CDH11: variants seen among roughly 807,000 people sequenced by gnomAD.
CDH11 encodes cadherin-11.
CDH11 carries 11 observed loss-of-function variants against 67.8 expected under a neutral mutation model. The ratio of observed to expected loss-of-function variants is 0.16; its 90% CI spans 0.10 to 0.27. The LOEUF is 0.27. Ranked by LOEUF, CDH11 falls within the 10% of genes least tolerant of loss-of-function variation. CDH11 has a pLI of 1.00. For synonymous variants in CDH11, 419 were observed against 400.0 expected (o/e 1.05, Z -0.57); for missense variants, 847 against 1,031.2 (o/e 0.82, Z 2.45).
At chr16:65,000,255 A>C (rs897933723) in intron 3 of CDH11, among the ~76,000 whole-genome samples, 1 of 152,066 alleles carries the variant, frequency 6.6e-6, no homozygotes, top group African/African-American at 2.4e-5. Context: ...TCTCCCAAAA[A>C]TCACATCTGG....
At position 64,946,856 on chromosome 16, in the gene CDH11, A is replaced by T; in HGVS notation, c.*747T>A. ...ATATTAAAGCAACAGTACAATGTTCATAAAATATAAGTGTGATGCCGTAAC... is the reference window on the plus strand; with the variant it reads ...ATATTAAAGCAACAGTACAATGTTCTTAAAATATAAGTGTGATGCCGTAAC... On this transcript the variant is annotated 3_prime_UTR_variant, in exon 13 of 13. Coordinates refer to ENST00000268603, the MANE Select transcript of CDH11 (RefSeq NM_001797.4). 1.2e-6 allele frequency: 1 copy of T among 851,560 alleles called. No individual in the cohort carries two copies. The highest frequency in any genetic ancestry group is 1.4e-6 in the Non-Finnish European group (1 of 696,850). The allele number at this position is 851,560 out of a possible 1,614,324, so 52.8% of individuals were successfully genotyped here.
At chr16:65,019,602 AGGT>A (rs1324864503) in intron 2 of CDH11, among the ~76,000 whole-genome samples, 1 of 152,140 alleles carries the variant, frequency 6.6e-6, no homozygotes, top group Non-Finnish European at 1.5e-5. Flanking sequence ...GTTTGACCAT[AGGT>A]AAGATTTCCA....
chr16:64,955,468 G>A (rs1009445024), intron 11 of CDH11, among the ~76,000 whole-genome samples: 1 of 152,062 alleles, frequency 6.6e-6, no homozygotes, highest in Non-Finnish European at 1.5e-5. Flanking sequence ...GGTTGGTATG[G>A]TGGTTCACAC....
At chr16:64,959,428 C>G (rs2071611242) in intron 11 of CDH11, among the ~76,000 whole-genome samples, 1 of 152,090 alleles carries the variant, frequency 6.6e-6, no homozygotes, top group South Asian at 2.1e-4. Flanking sequence ...AGAAAACTAC[C>G]AAGAGATTCA....
At chr16:64,981,396 G>A (rs940962149) in intron 8 of CDH11, 1 of 146,936 alleles carries the variant, frequency 6.8e-6, no homozygotes, top group African/African-American at 2.5e-5. Context: ...TGTGAGCCAC[G>A]GTGCCCAGCC....
intron 1 of CDH11, among the ~76,000 whole-genome samples, chr16:65,117,490 A>G (rs2075261975): frequency 6.6e-6 from 1 of 152,238 alleles, no homozygotes; most frequent in Admixed American, 6.5e-5. Context: ...ATCGCTGAGA[A>G]GAAAAAAAAT....
chr16:65,073,677 T>C (rs964275762), intron 1 of CDH11, among the ~76,000 whole-genome samples: 2 of 152,202 alleles, frequency 1.3e-5, no homozygotes, highest in African/African-American at 2.4e-5. Flanking sequence ...CATCCCAAAC[T>C]AGACCTAGCT....
intron 2 of CDH11, among the ~76,000 whole-genome samples, chr16:65,024,075 G>A (rs919162695): frequency 6.6e-6 from 1 of 152,154 alleles, no homozygotes; most frequent in African/African-American, 2.4e-5. Flanking sequence ...AGAAGACCAC[G>A]CTGCTCTTTC....
chr16:65,081,959 C>A (rs575293364), intron 1 of CDH11, among the ~76,000 whole-genome samples: 1 of 152,116 alleles, frequency 6.6e-6, no homozygotes, highest in Non-Finnish European at 1.5e-5. Flanking sequence ...GTGCTGAGGA[C>A]TGAGTCCTCC....
At chr16:65,116,415 T>C (rs778993222) in intron 1 of CDH11, among the ~76,000 whole-genome samples, 7 of 152,202 alleles carry the variant, frequency 4.6e-5, no homozygotes, top group Non-Finnish European at 8.8e-5. Flanking sequence ...ATCATCATAG[T>C]AAGGACAAAG....
At chr16:64,958,530 A>T (rs2071582996) in intron 11 of CDH11, among the ~76,000 whole-genome samples, 1 of 152,304 alleles carries the variant, frequency 6.6e-6, no homozygotes, top group Admixed American at 6.5e-5. Flanking sequence ...CTGTGCAAAG[A>T]TTATAATATC....
chr16:64,972,309 C>T (rs1470884566), intron 9 of CDH11, among the ~76,000 whole-genome samples: 2 of 152,174 alleles, frequency 1.3e-5, no homozygotes, highest in South Asian at 2.1e-4. Context: ...GACTTTGATG[C>T]TGAGCTTTAA....
intron 2 of CDH11, among the ~76,000 whole-genome samples, chr16:65,010,886 G>C (rs2073161463): frequency 6.7e-6 from 1 of 150,204 alleles, no homozygotes; most frequent in Non-Finnish European, 1.5e-5. Flanking sequence ...GTGCTGGACA[G>C]TATGCTCAGG....
intron 2 of CDH11, among the ~76,000 whole-genome samples, chr16:65,015,387 A>G (rs997763753): frequency 5.9e-5 from 9 of 151,974 alleles, no homozygotes; most frequent in Non-Finnish European, 1.2e-4. Flanking sequence ...CAATAGACCA[A>G]TGGGAAAACT....
intron 1 of CDH11, among the ~76,000 whole-genome samples, chr16:65,081,351 G>A (rs1303652942): frequency 2.0e-5 from 3 of 152,152 alleles, no homozygotes; most frequent in East Asian, 1.9e-4. Flanking sequence ...GGCAGATCAC[G>A]AGGTCAGGAG....
At chr16:65,046,736 A>T (rs554012054) in intron 2 of CDH11, among the ~76,000 whole-genome samples, 1 of 152,342 alleles carries the variant, frequency 6.6e-6, no homozygotes, top group South Asian at 2.1e-4. Flanking sequence ...AGGTTTGGAT[A>T]GTTTTAAAAC....
At chr16:65,074,742 A>G (rs142363105) in intron 1 of CDH11, among the ~76,000 whole-genome samples, 4 of 152,312 alleles carry the variant, frequency 2.6e-5, no homozygotes, top group Non-Finnish European at 4.4e-5. Context: ...AAATAAAAAC[A>G]ACTTAACTGA....
At chr16:65,035,849 G>T (rs959887928) in intron 2 of CDH11, among the ~76,000 whole-genome samples, 2 of 152,186 alleles carry the variant, frequency 1.3e-5, no homozygotes, top group African/African-American at 4.8e-5. Flanking sequence ...CTATCTGAGA[G>T]TTGGACTGAG....
At chr16:65,057,256 G>A (rs891621703) in intron 1 of CDH11, among the ~76,000 whole-genome samples, 1 of 152,014 alleles carries the variant, frequency 6.6e-6, no homozygotes. Context: ...TCTCAGCCAG[G>A]AAACCACACT....
Sources: allele counts gnomAD v4.1 joint callset (sites outside exome capture counted in the v4.1 genomes callset), GRCh38; gene constraint gnomAD v4.1.1; transcripts MANE v1.5; gene names NCBI Gene and HGNC (gene_info 2026-07-23, HGNC 2026-07-21).